Variants in FCHSD2 observed in about 807,000 individuals in gnomAD.
FCHSD2 encodes the protein F-BAR and double SH3 domains protein 2.
Under a neutral mutation model 108.1 loss-of-function variants are expected in FCHSD2, and 38 were observed. The observed-to-expected ratio is 0.35, with a 90% CI of 0.27 to 0.46. The LOEUF (loss-of-function observed/expected upper bound fraction) is 0.46, where lower values mean the gene tolerates loss of function less well. Among genes scored for constraint, FCHSD2 ranks in the 20% least tolerant of loss-of-function variants. The pLI, the probability that FCHSD2 is intolerant of heterozygous loss-of-function variation, is 1.00. For missense variants in FCHSD2, 751 were observed against 897.8 expected, an observed-to-expected ratio of 0.84 and a Z score of 2.09; for synonymous variants, 279 against 314.7, an observed-to-expected ratio of 0.89 and a Z score of 1.20.
At chr11:73,087,341 T>C (rs1389625824) in intron 2 of FCHSD2, among the ~76,000 whole-genome samples, 1 of 152,208 alleles carries the variant, frequency 6.6e-6, no homozygotes, top group Non-Finnish European at 1.5e-5. Context: ...AAAAGTTTTT[T>C]TTTTAATTTA....
intron 2 of FCHSD2, among the ~76,000 whole-genome samples, chr11:73,098,341 T>C (rs530818805): frequency 1.1e-4 from 17 of 152,346 alleles, no homozygotes; most frequent in South Asian, 8.3e-4. Context: ...AATTTCTACA[T>C]ATTTGCATAT....
chr11:73,114,447 T>C (rs904718570), intron 2 of FCHSD2, among the ~76,000 whole-genome samples: 3 of 152,060 alleles, frequency 2.0e-5, no homozygotes, highest in Admixed American at 6.6e-5. Context: ...AGCTGATACC[T>C]GAGGTGCAAA....
intron 9 of FCHSD2, among the ~76,000 whole-genome samples, chr11:72,911,729 G>C (rs1368465096): frequency 6.6e-6 from 1 of 151,964 alleles, no homozygotes; most frequent in African/African-American, 2.4e-5. Flanking sequence ...ACAATGTGCA[G>C]GTTAGTTACA....
At chr11:72,885,348 A>C (rs1399196407) in intron 12 of FCHSD2, among the ~76,000 whole-genome samples, 1 of 152,226 alleles carries the variant, frequency 6.6e-6, no homozygotes, top group Non-Finnish European at 1.5e-5. Flanking sequence ...ATTTTTGATA[A>C]GAAAACTATT....
chr11:72,897,679 A>G (rs1422423854), intron 10 of FCHSD2, among the ~76,000 whole-genome samples: 1 of 152,094 alleles, frequency 6.6e-6, no homozygotes, highest in Non-Finnish European at 1.5e-5. Context: ...ACCCAAACCC[A>G]TGTTTTCTCC....
At chr11:73,002,302 T>C (rs1857641766) in intron 4 of FCHSD2, among the ~76,000 whole-genome samples, 1 of 152,200 alleles carries the variant, frequency 6.6e-6, no homozygotes. Context: ...TCGGTTTAGA[T>C]GGAAATAGTC....
At chr11:72,955,089 T>C (rs1856687795) in intron 8 of FCHSD2, among the ~76,000 whole-genome samples, 1 of 152,160 alleles carries the variant, frequency 6.6e-6, no homozygotes. Flanking sequence ...ACTCTCTTCC[T>C]GGAGAGCGTC....
chr11:73,067,587 T>C (rs1017875110), intron 3 of FCHSD2, among the ~76,000 whole-genome samples: 2 of 152,152 alleles, frequency 1.3e-5, no homozygotes, highest in African/African-American at 4.8e-5. Flanking sequence ...AATATCATCA[T>C]GTTCAAGATC....
chr11:72,885,292 T>A (rs1855173788), intron 12 of FCHSD2, among the ~76,000 whole-genome samples: 1 of 152,212 alleles, frequency 6.6e-6, no homozygotes, highest in Admixed American at 6.5e-5. Context: ...TATTCAAAAC[T>A]GAGAAAACGG....
chr11:72,980,710 A>G (rs1001640952), intron 8 of FCHSD2, among the ~76,000 whole-genome samples: 1 of 149,472 alleles, frequency 6.7e-6, no homozygotes, highest in Admixed American at 6.7e-5. Context: ...GTATGTATGT[A>G]TATATATGTA....
chr11:73,078,464 G>T (rs1859606418), intron 3 of FCHSD2, among the ~76,000 whole-genome samples: 1 of 152,118 alleles, frequency 6.6e-6, no homozygotes, highest in African/African-American at 2.4e-5. Context: ...TATAAATTGT[G>T]ATATATTCAT....
intron 8 of FCHSD2, chr11:72,983,742 C>T: frequency 2.3e-6 from 1 of 432,148 alleles, no homozygotes; most frequent in Non-Finnish European, 4.6e-6. Context: ...TGACATGAGT[C>T]TCATAAAATA....
Position 72,866,271 on chromosome 11 carries a change from G to GT in FCHSD2, c.1308+1593dup, listed in dbSNP as rs532751127. Among the ~76,000 whole-genome samples, 460 of 112,018 alleles carry GT rather than the reference G, an allele frequency of 4.1e-3. 3 individuals carry two copies. The highest frequency in any genetic ancestry group is 0.012 in the African/African-American group (406 of 33,680). The allele number at this position is 112,018 out of a possible 152,430, so 73.5% of individuals were successfully genotyped here. ...TCTGTTCTGTTTTTTGTTTTGTTTT[G>GT]TTTTTTTTGTTTTTTGAGACAGAGT... On this transcript the variant is annotated intron_variant, in intron 13 of 19. Transcript: ENST00000409418.
At chr11:73,090,040 T>C (rs1258031905) in intron 2 of FCHSD2, among the ~76,000 whole-genome samples, 1 of 151,968 alleles carries the variant, frequency 6.6e-6, no homozygotes, top group African/African-American at 2.4e-5. Flanking sequence ...CCTAAATATA[T>C]CTACAAATTT....
intron 5 of FCHSD2, among the ~76,000 whole-genome samples, chr11:72,997,431 C>T (rs549225814): frequency 2.0e-5 from 3 of 152,172 alleles, no homozygotes; most frequent in South Asian, 4.1e-4. Context: ...CTTCCCAGAG[C>T]CTCTACAGTT....
intron 8 of FCHSD2, among the ~76,000 whole-genome samples, chr11:72,931,367 A>C (rs1366313893): frequency 6.8e-6 from 1 of 148,132 alleles, no homozygotes; most frequent in African/African-American, 2.5e-5. Flanking sequence ...TCAGCCTCCT[A>C]AAGTGCTGGG....
intron 8 of FCHSD2, among the ~76,000 whole-genome samples, chr11:72,968,805 T>C (rs1189479488): frequency 6.6e-6 from 1 of 152,214 alleles, no homozygotes; most frequent in Admixed American, 6.5e-5. Flanking sequence ...AGTGCTTCTG[T>C]GTACCCAAGG....
At chr11:72,924,300 CAG>C (rs1341307099) in intron 8 of FCHSD2, among the ~76,000 whole-genome samples, 3 of 152,000 alleles carry the variant, frequency 2.0e-5, no homozygotes, top group Non-Finnish European at 4.4e-5. Context: ...TTTTTTGAGA[CAG>C]AGTCTTGCTC....
intron 3 of FCHSD2, among the ~76,000 whole-genome samples, chr11:73,030,638 C>T (rs1347990379): frequency 6.6e-6 from 1 of 152,072 alleles, no homozygotes. Flanking sequence ...ATTGGAGCTA[C>T]AAATCAATCC....
Sources: allele counts gnomAD v4.1 joint callset (sites outside exome capture counted in the v4.1 genomes callset), GRCh38; gene constraint gnomAD v4.1.1; transcripts MANE v1.5; gene names NCBI Gene and HGNC (gene_info 2026-07-23, HGNC 2026-07-21).